SLC24A2: variants seen among roughly 807,000 people sequenced by gnomAD.
The protein encoded by SLC24A2 is sodium/potassium/calcium exchanger 2.
A neutral mutation model predicts 62.0 loss-of-function variants in SLC24A2; 36 were observed. That is an observed-to-expected ratio of 0.58 (90% confidence interval 0.44 to 0.77). The LOEUF is 0.77. SLC24A2 is among the 30% of genes least tolerant of loss of function. SLC24A2 has a pLI of 0.00. For missense variants in SLC24A2, 846 were observed against 817.9 expected (o/e 1.03, Z -0.42); for synonymous variants, 358 against 294.0 (o/e 1.22, Z -2.23).
chr9:19,938,924 A>G, the SLC24A2 span, among the ~76,000 whole-genome samples: 33 of 152,242 alleles, frequency 2.2e-4, no homozygotes, highest in African/African-American at 8.0e-4. Flanking sequence ...CAAAAAACAA[A>G]GAAATCAACA....
At chr9:19,839,835 G>T in the SLC24A2 span, among the ~76,000 whole-genome samples, 1 of 152,176 alleles carries the variant, frequency 6.6e-6, no homozygotes, top group South Asian at 2.1e-4. Flanking sequence ...AATTCACCTA[G>T]TGATGTCATA....
At chr9:20,139,895 C>G in the SLC24A2 span, among the ~76,000 whole-genome samples, 1 of 152,182 alleles carries the variant, frequency 6.6e-6, no homozygotes, top group Non-Finnish European at 1.5e-5. Context: ...AGCTTCTATC[C>G]AGCAGGCCCA....
intron 4 of SLC24A2, among the ~76,000 whole-genome samples, chr9:19,610,388 T>TA (rs1837121243): frequency 4.6e-5 from 7 of 152,150 alleles, no homozygotes. Context: ...ATAAACATCT[T>TA]AGCTTCTTGT....
the SLC24A2 span, among the ~76,000 whole-genome samples, chr9:20,045,993 G>A: frequency 6.6e-6 from 1 of 152,150 alleles, no homozygotes; most frequent in African/African-American, 2.4e-5. Flanking sequence ...AGGCAACAAA[G>A]AACAGGTCTA....
At chr9:20,155,295 C>T in the SLC24A2 span, among the ~76,000 whole-genome samples, 1 of 151,766 alleles carries the variant, frequency 6.6e-6, no homozygotes, top group East Asian at 1.9e-4. Context: ...CCTCATACCA[C>T]CTGTCCACCA....
chr9:19,872,980 T>C, the SLC24A2 span, among the ~76,000 whole-genome samples: 2 of 152,132 alleles, frequency 1.3e-5, no homozygotes, highest in Non-Finnish European at 2.9e-5. Flanking sequence ...TGGTCAAAGA[T>C]GTTGGTTAAT....
chr9:19,972,374 TG>T, the SLC24A2 span, among the ~76,000 whole-genome samples: 1 of 152,214 alleles, frequency 6.6e-6, no homozygotes, highest in African/African-American at 2.4e-5. Flanking sequence ...TTAGAGGTTC[TG>T]GGTTTAATTT....
intron 2 of SLC24A2, among the ~76,000 whole-genome samples, chr9:19,759,691 T>C (rs1451894122): frequency 1.3e-5 from 2 of 152,204 alleles, no homozygotes; most frequent in Non-Finnish European, 2.9e-5. Context: ...TGGGTATCTA[T>C]TATTTGCCAG....
At chr9:19,729,262 TGTTA>T (rs1346854502) in intron 2 of SLC24A2, among the ~76,000 whole-genome samples, 2 of 152,174 alleles carry the variant, frequency 1.3e-5, no homozygotes, top group Non-Finnish European at 2.9e-5. Flanking sequence ...TCTTATACAC[TGTTA>T]GTAGGAATGT....
At chr9:19,678,760 T>C (rs1292616274) in intron 2 of SLC24A2, among the ~76,000 whole-genome samples, 1 of 152,190 alleles carries the variant, frequency 6.6e-6, no homozygotes, top group African/African-American at 2.4e-5. Flanking sequence ...CTCTACAAAA[T>C]GTCTGGAATG....
chr9:19,952,973 A>G, the SLC24A2 span, among the ~76,000 whole-genome samples: 3 of 151,948 alleles, frequency 2.0e-5, no homozygotes, highest in East Asian at 5.8e-4. Context: ...TTCTTGGGTC[A>G]GTTTTTGAAA....
At chr9:19,922,809 C>A in the SLC24A2 span, among the ~76,000 whole-genome samples, 1 of 152,096 alleles carries the variant, frequency 6.6e-6, no homozygotes, top group Non-Finnish European at 1.5e-5. Context: ...GGAGCTTGTA[C>A]ATGTCTGAGT....
intron 2 of SLC24A2, among the ~76,000 whole-genome samples, chr9:19,734,494 A>G (rs74471545): frequency 0.011 from 1,649 of 152,192 alleles, 27 homozygotes; most frequent in African/African-American, 0.038. Flanking sequence ...CCATTTTCAC[A>G]ATATTGATTC....
intron 7 of SLC24A2, among the ~76,000 whole-genome samples, chr9:19,552,479 C>T (rs1834892388): frequency 6.6e-6 from 1 of 152,112 alleles, no homozygotes; most frequent in African/African-American, 2.4e-5. Context: ...TGGGGTACTG[C>T]ATCATTCTTA....
At chr9:20,002,740 T>C in the SLC24A2 span, among the ~76,000 whole-genome samples, 1 of 152,320 alleles carries the variant, frequency 6.6e-6, no homozygotes, top group East Asian at 1.9e-4. Context: ...TCTTCTTCCA[T>C]ATATAGAACA....
intron 4 of SLC24A2, among the ~76,000 whole-genome samples, chr9:19,598,685 G>GTATATA (rs968224286): frequency 6.6e-6 from 1 of 151,098 alleles, no homozygotes; most frequent in Non-Finnish European, 1.5e-5. Flanking sequence ...GTATATATAT[G>GTATATA]TATATATATA....
chr9:19,612,729 A>AAGCTGGGT (rs112249263), intron 4 of SLC24A2, among the ~76,000 whole-genome samples: 2,637 of 152,232 alleles, frequency 0.017, 77 homozygotes, highest in African/African-American at 0.061. Context: ...GACAGGAAAC[A>AAGCTGGGT]AGCTGGGTAT....
chr9:20,016,646 T>C, the SLC24A2 span, among the ~76,000 whole-genome samples: 1 of 152,240 alleles, frequency 6.6e-6, no homozygotes, highest in Non-Finnish European at 1.5e-5. Flanking sequence ...CTCTGAGCAC[T>C]GAATGTTTCT....
At chr9:20,027,053 T>C in the SLC24A2 span, among the ~76,000 whole-genome samples, 1 of 152,106 alleles carries the variant, frequency 6.6e-6, no homozygotes, top group African/African-American at 2.4e-5. Flanking sequence ...GGCCAACATG[T>C]ATATTAAAAA....
Sources: gnomAD v4.1 joint callset for allele counts (sites outside exome capture counted in the v4.1 genomes callset) on GRCh38, gnomAD v4.1.1 for gene constraint, MANE v1.5 for transcripts, NCBI Gene and HGNC (gene_info 2026-07-23, HGNC 2026-07-21) for gene names.